The following PRKCA variants were observed in gnomAD, a reference collection of about 807,000 sequenced individuals.
PRKCA encodes protein kinase C alpha type.
PRKCA carries 27 observed loss-of-function variants against 87.0 expected under a neutral mutation model. The observed-to-expected ratio is 0.31, with a 90% confidence interval of 0.23 to 0.43. PRKCA has a LOEUF of 0.43. Among genes scored for constraint, PRKCA ranks in the 20% least tolerant of loss-of-function variants. The pLI is 1.00. For synonymous variants in PRKCA, 329 were observed against 311.1 expected, an observed-to-expected ratio of 1.06 and a Z score of -0.61; for missense variants, 518 against 852.3, an observed-to-expected ratio of 0.61 and a Z score of 4.88.
chr17:66,741,925 C>T (rs533243463), intron 12 of PRKCA, among the ~76,000 whole-genome samples: 1 of 152,278 alleles, frequency 6.6e-6, no homozygotes, highest in African/African-American at 2.4e-5. Flanking sequence ...GACTTTATAT[C>T]TTGTTTCTAC....
At chr17:66,638,269 C>T (rs917150578) in intron 3 of PRKCA, 1 of 151,956 alleles carries the variant, frequency 6.6e-6, no homozygotes, top group African/African-American at 2.4e-5. Context: ...CATCGTAGGT[C>T]TGTGCTCTCT....
chr17:66,521,458 C>T (rs1320782386), intron 3 of PRKCA, among the ~76,000 whole-genome samples: 2 of 152,100 alleles, frequency 1.3e-5, no homozygotes, highest in African/African-American at 2.4e-5. Flanking sequence ...TTGCTTTTCA[C>T]GCTTAACTTT....
At chr17:66,403,585 TAAG>T (rs1911163737) in intron 2 of PRKCA, 3 of 152,196 alleles carry the variant, frequency 2.0e-5, no homozygotes, top group Non-Finnish European at 4.4e-5. Context: ...TAAAGCAATT[TAAG>T]TGAAAGTTTT....
chr17:66,653,805 A>AAAAAG (rs1431319206), intron 5 of PRKCA, among the ~76,000 whole-genome samples: 2 of 72,536 alleles, frequency 2.8e-5, no homozygotes, highest in African/African-American at 7.1e-5. Context: ...AAAAAAAAAA[A>AAAAAG]AAAACAAAAC....
intron 3 of PRKCA, among the ~76,000 whole-genome samples, chr17:66,622,628 A>G (rs1481751057): frequency 6.6e-6 from 1 of 152,250 alleles, no homozygotes; most frequent in African/African-American, 2.4e-5. Flanking sequence ...ACTGACTTGT[A>G]TTAGTCCATT....
At chr17:66,347,049 T>C (rs1326764641) in intron 2 of PRKCA, among the ~76,000 whole-genome samples, 1 of 151,366 alleles carries the variant, frequency 6.6e-6, no homozygotes, top group Non-Finnish European at 1.5e-5. Flanking sequence ...AAAAAAATTA[T>C]TGGGGACTCT....
intron 14 of PRKCA, among the ~76,000 whole-genome samples, chr17:66,776,332 G>A (rs1975048304): frequency 6.6e-6 from 1 of 152,154 alleles, no homozygotes; most frequent in East Asian, 1.9e-4. Context: ...TTGTTTTTGA[G>A]ATGGAGTTTT....
chr17:66,467,216 G>A (rs1042338744), intron 2 of PRKCA, among the ~76,000 whole-genome samples: 2 of 152,158 alleles, frequency 1.3e-5, no homozygotes, highest in African/African-American at 2.4e-5. Context: ...TTTAGGCCAT[G>A]GCATGGTACA....
At chr17:66,625,472 A>G (rs778657109) in intron 3 of PRKCA, among the ~76,000 whole-genome samples, 6 of 152,344 alleles carry the variant, frequency 3.9e-5, no homozygotes, top group South Asian at 2.1e-4. Context: ...ATTAAAAGGT[A>G]TCTGTCTTTC....
intron 4 of PRKCA, among the ~76,000 whole-genome samples, chr17:66,642,767 C>T (rs756151592): frequency 1.1e-4 from 14 of 128,950 alleles, no homozygotes; most frequent in Non-Finnish European, 1.9e-4. Flanking sequence ...CTTCAAGAAA[C>T]GCTGGGATTT....
Position 66,807,833 on chromosome 17 carries a change from G to C in PRKCA, c.*3796G>C, listed in dbSNP as rs1432479865. ...GTGCTGAGAAGGGAGAGGGAGGCGGGGGCTGTAGTCAGGAAGGAGCCAGAG... is the reference window on the plus strand; with the variant it reads ...GTGCTGAGAAGGGAGAGGGAGGCGGCGGCTGTAGTCAGGAAGGAGCCAGAG... On this transcript the variant is annotated 3_prime_UTR_variant, in exon 17 of 17. Transcript: ENST00000413366. The surrounding 1 kb of genome is among the most constrained non-coding windows in gnomAD (Gnocchi z 4.3). 1 of 152,272 alleles carries C rather than the reference G, an allele frequency of 6.6e-6. No individual in the cohort carries two copies. The highest frequency in any genetic ancestry group is 1.5e-5 in the Non-Finnish European group (1 of 68,118). The allele number at this position is 152,272 out of a possible 1,614,324, so 9.4% of individuals were successfully genotyped here.
At chr17:66,643,602 C>G (rs908379643) in intron 4 of PRKCA, among the ~76,000 whole-genome samples, 4 of 152,126 alleles carry the variant, frequency 2.6e-5, no homozygotes, top group Non-Finnish European at 5.9e-5. Context: ...TTGAAAACCG[C>G]TGACCTGGAC....
chr17:66,451,801 C>T (rs1914337218), intron 2 of PRKCA, among the ~76,000 whole-genome samples: 1 of 152,122 alleles, frequency 6.6e-6, no homozygotes, highest in African/African-American at 2.4e-5. Context: ...GTCAAAGGCT[C>T]TGAAGCAAAG....
intron 8 of PRKCA, among the ~76,000 whole-genome samples, chr17:66,709,078 G>A (rs183740347): frequency 6.6e-6 from 1 of 152,266 alleles, no homozygotes; most frequent in African/African-American, 2.4e-5. Context: ...TGAGCACGTA[G>A]GATTGGTTTG....
chr17:66,742,555 C>T (rs1974180719), intron 12 of PRKCA, 67 bp from the exon 13 acceptor site: 2 of 1,534,466 alleles, frequency 1.3e-6, no homozygotes, highest in Non-Finnish European at 1.8e-6. Context: ...CCTTCTATTT[C>T]ACCAGTTCCA....
intron 13 of PRKCA, among the ~76,000 whole-genome samples, chr17:66,756,401 C>T (rs898619981): frequency 6.6e-6 from 1 of 152,082 alleles, no homozygotes; most frequent in African/African-American, 2.4e-5. Flanking sequence ...CAGGCACAGG[C>T]TCCCCACAAG....
chr17:66,480,939 G>A (rs1915751015), intron 2 of PRKCA, among the ~76,000 whole-genome samples: 1 of 151,954 alleles, frequency 6.6e-6, no homozygotes, highest in Non-Finnish European at 1.5e-5. Context: ...ATTTTCCTTT[G>A]ACCTACTCCG....
Position 66,636,546 on chromosome 17 carries a change from C to T in PRKCA, c.289-4809C>T, listed in dbSNP as rs79106108. On this transcript the variant is annotated intron_variant, in intron 3 of 16. Coordinates refer to ENST00000413366, the MANE Select transcript of PRKCA (RefSeq NM_002737.3). ...CCTTCACTCTGACCACCTATGAAGC[C>T]TGAGGGTGATTAGCCCAGAGGATAG... Among the ~76,000 whole-genome samples the T allele has an allele frequency of 1.1e-4, 16 of 152,356 alleles. No homozygotes were observed. In the East Asian group the frequency reaches 3.1e-3, roughly 29 times the overall value.
chr17:66,467,890 TAAAAA>T (rs76621169), intron 2 of PRKCA, among the ~76,000 whole-genome samples: 1 of 146,146 alleles, frequency 6.8e-6, no homozygotes, highest in Non-Finnish European at 1.5e-5. Flanking sequence ...AACAAAAAAT[TAAAAA>T]AAAAAACAAC....
Sources: allele counts gnomAD v4.1 joint callset (sites outside exome capture counted in the v4.1 genomes callset), GRCh38; gene constraint gnomAD v4.1.1; non-coding constraint Gnocchi (gnomAD v3.1); transcripts MANE v1.5; gene names NCBI Gene and HGNC (gene_info 2026-07-23, HGNC 2026-07-21).